Variants in RANGAP1 observed in about 807,000 individuals in gnomAD.
RANGAP1 encodes ran GTPase-activating protein 1.
RANGAP1 carries 38 observed loss-of-function variants against 63.5 expected under a neutral mutation model. The ratio of observed to expected loss-of-function variants is 0.60; its 90% confidence interval spans 0.46 to 0.78. The LOEUF (loss-of-function observed/expected upper bound fraction) is 0.78. RANGAP1 is among the 30% of genes least tolerant of loss of function. The pLI is 0.00. For missense variants in RANGAP1, 630 were observed against 740.3 expected (o/e 0.85, Z 1.73); for synonymous variants, 329 against 310.5 (o/e 1.06, Z -0.63).
At chr22:41,270,809 T>C (rs1472317087) in intron 3 of RANGAP1, among the ~76,000 whole-genome samples, 1 of 152,178 alleles carries the variant, frequency 6.6e-6, no homozygotes, top group African/African-American at 2.4e-5. Flanking sequence ...CAGATCTGCT[T>C]AGTAGTTCCA....
At chr22:41,278,934 C>A (rs964303579) in intron 2 of RANGAP1, among the ~76,000 whole-genome samples, 3 of 151,752 alleles carry the variant, frequency 2.0e-5, no homozygotes, top group Non-Finnish European at 2.9e-5. Flanking sequence ...GTCAGGAGAT[C>A]GAGACCATCT....
chr22:41,261,333 G>A (rs748410577), intron 6 of RANGAP1, 113 bp downstream of exon 6: 16 of 1,481,420 alleles, frequency 1.1e-5, no homozygotes, highest in South Asian at 1.0e-4. Context: ...GGCACGTGAC[G>A]CCCCAGGTCT....
intron 13 of RANGAP1, among the ~76,000 whole-genome samples, chr22:41,250,700 C>T (rs1224194817): frequency 2.0e-5 from 3 of 152,140 alleles, no homozygotes; most frequent in East Asian, 1.9e-4. Flanking sequence ...TCCCTCCTCC[C>T]GATAGACCTG....
chr22:41,277,444 A>AT, intron 2 of RANGAP1: 1 of 1,190,440 alleles, frequency 8.4e-7, no homozygotes, highest in African/African-American at 1.6e-5. Context: ...ACCTGCATTA[A>AT]TTGTATAATC....
At chr22:41,247,300 C>A (rs1412791611) in intron 15 of RANGAP1, among the ~76,000 whole-genome samples, 1 of 152,112 alleles carries the variant, frequency 6.6e-6, no homozygotes, top group African/African-American at 2.4e-5. Flanking sequence ...CGTGATCCTC[C>A]CACCTCGGCC....
the RANGAP1 span, among the ~76,000 whole-genome samples, chr22:41,293,233 CA>C: frequency 0.036 from 3,370 of 94,794 alleles, 110 homozygotes; most frequent in African/African-American, 0.11. Context: ...AGACTCCTCT[CA>C]AAAAAAAAAA....
At chr22:41,254,537 GC>G in intron 10 of RANGAP1, 43 bp from the exon 11 acceptor site, 1 of 1,536,582 alleles carries the variant, frequency 6.5e-7, no homozygotes, top group Non-Finnish European at 8.7e-7. Context: ...CTACCCAGCA[GC>G]CCAGGTTGGC....
intron 3 of RANGAP1, among the ~76,000 whole-genome samples, chr22:41,271,217 C>G (rs559388954): frequency 1.0e-3 from 157 of 150,454 alleles, no homozygotes; most frequent in Non-Finnish European, 1.9e-3. Flanking sequence ...AAGCAAGACC[C>G]CATCATTAAA....
At chr22:41,274,048 A>G (rs1569202930) in intron 3 of RANGAP1, among the ~76,000 whole-genome samples, 1 of 152,230 alleles carries the variant, frequency 6.6e-6, no homozygotes, top group Non-Finnish European at 1.5e-5. Context: ...ACTGAACTCC[A>G]GCCTGGACGA....
chr22:41,269,700 C>A (rs1222593437), intron 3 of RANGAP1, among the ~76,000 whole-genome samples: 1 of 149,660 alleles, frequency 6.7e-6, no homozygotes, highest in Non-Finnish European at 1.5e-5. Context: ...TGAAATTGCG[C>A]CACTACACAG....
chr22:41,279,268 T>G (rs1373123096), intron 2 of RANGAP1, among the ~76,000 whole-genome samples: 1 of 151,750 alleles, frequency 6.6e-6, no homozygotes, highest in Non-Finnish European at 1.5e-5. Context: ...TCAGGAGTTC[T>G]AGACCAGCCT....
At chr22:41,301,541 CG>C in the RANGAP1 span, 1 of 152,076 alleles carries the variant, frequency 6.6e-6, no homozygotes, top group Non-Finnish European at 1.5e-5. Flanking sequence ...GTGCCTCCAG[CG>C]GGTGCTGCCG....
intron 3 of RANGAP1, 40 bp downstream of exon 3, chr22:41,274,560 G>T: frequency 6.2e-7 from 1 of 1,610,758 alleles, no homozygotes; most frequent in South Asian, 1.1e-5. Context: ...ACAGAAGCTT[G>T]TTCAAACCAG....
chr22:41,271,225 A>T (rs113539213), intron 3 of RANGAP1, among the ~76,000 whole-genome samples: 5 of 139,504 alleles, frequency 3.6e-5, no homozygotes, highest in African/African-American at 5.2e-5. Context: ...CCCCATCATT[A>T]AAAAAAAAAA....
upstream of RANGAP1, among the ~76,000 whole-genome samples, chr22:41,289,539 C>A (rs965754196): frequency 7.9e-5 from 12 of 151,962 alleles, no homozygotes; most frequent in Non-Finnish European, 1.8e-4. Flanking sequence ...AGGAGAATCT[C>A]TTGAACCCAA....
chr22:41,259,072 T>C (rs2034011837), intron 6 of RANGAP1, among the ~76,000 whole-genome samples: 1 of 152,088 alleles, frequency 6.6e-6, no homozygotes, highest in South Asian at 2.1e-4. Flanking sequence ...TGCGTTCCTC[T>C]GTGCTCCCGG....
chr22:41,277,412 A>C lies in RANGAP1; in HGVS notation c.113-2685T>G, dbSNP rs531515164. On this transcript the variant is annotated intron_variant, in intron 2 of 15. Transcript: ENST00000356244. The stretch of plus-strand genomic sequence containing the variant: ...GATATATTTTTTCCCTGTTCTTTGA[A>C]TGTTTCTGTATTCTATAATAAACCT... 573 of 1,138,480 alleles carry C rather than the reference A, an allele frequency of 5.0e-4. 7 individuals carry two copies. In the South Asian group the frequency reaches 7.4e-3, roughly 15 times the overall value. 70.5% of individuals were successfully genotyped at this position (1,138,480 alleles called of 1,614,324 possible).
At chr22:41,300,750 C>G in the RANGAP1 span, among the ~76,000 whole-genome samples, 66 of 151,800 alleles carry the variant, frequency 4.3e-4, no homozygotes, top group African/African-American at 1.6e-3. Context: ...AGATTACAGG[C>G]GTGAGCCACT....
intron 5 of RANGAP1, among the ~76,000 whole-genome samples, chr22:41,262,334 G>T (rs909853654): frequency 6.6e-6 from 1 of 152,100 alleles, no homozygotes; most frequent in South Asian, 2.1e-4. Context: ...AGAATCACGA[G>T]CGAGTGCACC....
Sources: allele counts gnomAD v4.1 joint callset (sites outside exome capture counted in the v4.1 genomes callset), GRCh38; gene constraint gnomAD v4.1.1; transcripts MANE v1.5; gene names NCBI Gene and HGNC (gene_info 2026-07-23, HGNC 2026-07-21).